The following GRM3 variants were observed in gnomAD, a reference collection of about 807,000 sequenced individuals.
The protein encoded by GRM3 is glutamate metabotropic receptor 3, also known as metabotropic glutamate receptor 3.
GRM3 carries 26 observed loss-of-function variants against 70.5 expected under a neutral mutation model. The ratio of observed to expected loss-of-function variants is 0.37; its 90% CI spans 0.27 to 0.51. The LOEUF is 0.51. GRM3 is among the 20% of genes least tolerant of loss of function. The pLI is 0.93. For synonymous variants in GRM3, 443 were observed against 434.9 expected, an observed-to-expected ratio of 1.02 and a Z score of -0.23; for missense variants, 859 against 1,123.8, an observed-to-expected ratio of 0.76 and a Z score of 3.37.
chr7:86,667,533 G>A (rs944126977), intron 1 of GRM3, among the ~76,000 whole-genome samples: 1 of 152,054 alleles, frequency 6.6e-6, no homozygotes, highest in Non-Finnish European at 1.5e-5. Flanking sequence ...CATAGTCACA[G>A]CATCATATTC....
In GRM3 at chr7:86,764,975, A is replaced by G. The variant is rs910967903; in HGVS notation, c.-140-31A>G. ...TGTAATCACTGTTGCTTTCTTTACC[A>G]TTTTTGTTCATATAATTTTTATCTC... On this transcript the variant is annotated intron_variant, in intron 1 of 5. Transcript: ENST00000361669. 2.8e-6 allele frequency: 4 copies of G among 1,415,056 alleles called. No individual in the cohort carries two copies. The African/African-American group carries it at 4.3e-5, about 15-fold the overall frequency. The allele number at this position is 1,415,056 out of a possible 1,614,324, so 87.7% of individuals were successfully genotyped here. A position where few individuals can be genotyped will look rare whatever the true frequency, so the allele number is the denominator to read the frequency against.
chr7:86,750,205 C>A (rs1287605521), intron 1 of GRM3, among the ~76,000 whole-genome samples: 2 of 151,788 alleles, frequency 1.3e-5, no homozygotes, highest in Non-Finnish European at 1.5e-5. Context: ...CATTATATAT[C>A]AAAAAGAAAG....
At chr7:86,678,722 A>G (rs802459) in intron 1 of GRM3, among the ~76,000 whole-genome samples, 106,351 of 151,928 alleles carry the variant, frequency 0.7, 37,747 homozygotes, top group East Asian at 0.87. Flanking sequence ...AGATGTGTTA[A>G]TGAAACTGTA....
rs10262456 is a variant in GRM3 at position 86,772,985 on chromosome 7, T to G, written c.468+7372T>G. Among the ~76,000 whole-genome samples, 359 of 148,926 alleles carry G rather than the reference T, an allele frequency of 2.4e-3. 2 individuals carry two copies. Among genetic ancestry groups the G allele is most frequent in the African/African-American group, 7.8e-3 (319 of 40,762 alleles). ...CTCTTTACTCATGTCTAAAACTGAG[T>G]TTTTTTTTTACGATTTCAACGTTTA... On this transcript the variant is annotated intron_variant, in intron 2 of 5. Transcript: ENST00000361669.
At chr7:86,799,149 C>A (rs1797624132) in intron 3 of GRM3, among the ~76,000 whole-genome samples, 1 of 152,294 alleles carries the variant, frequency 6.6e-6, no homozygotes, top group Non-Finnish European at 1.5e-5. Flanking sequence ...ATTTGGCTCT[C>A]TGCTCATCTA....
intron 3 of GRM3, among the ~76,000 whole-genome samples, chr7:86,812,761 C>T (rs1797937325): frequency 1.3e-5 from 2 of 151,732 alleles, no homozygotes; most frequent in South Asian, 2.1e-4. Flanking sequence ...TCTCATTTTA[C>T]CACTTTATGT....
chr7:86,757,709 A>G (rs1796381314), intron 1 of GRM3, among the ~76,000 whole-genome samples: 1 of 152,164 alleles, frequency 6.6e-6, no homozygotes, highest in African/African-American at 2.4e-5. Flanking sequence ...CCACTGCTAC[A>G]TGGCAGGAAA....
At chr7:86,825,221 T>G (rs1351400477) in intron 3 of GRM3, among the ~76,000 whole-genome samples, 1 of 152,262 alleles carries the variant, frequency 6.6e-6, no homozygotes, top group Non-Finnish European at 1.5e-5. Flanking sequence ...TTTGGTTTAT[T>G]CTAAGTGAAT....
chr7:86,745,165 G>C (rs1796073885), intron 1 of GRM3, among the ~76,000 whole-genome samples: 1 of 152,082 alleles, frequency 6.6e-6, no homozygotes, highest in South Asian at 2.1e-4. Flanking sequence ...CAAAATGTCT[G>C]GGCGTTTGGC....
intron 1 of GRM3, among the ~76,000 whole-genome samples, chr7:86,725,614 T>C (rs1317361726): frequency 1.3e-5 from 2 of 152,130 alleles, no homozygotes; most frequent in African/African-American, 4.8e-5. Context: ...TAGAAGAGCA[T>C]GTAGGACAGC....
intron 1 of GRM3, among the ~76,000 whole-genome samples, chr7:86,758,043 C>T (rs2116386583): frequency 6.6e-6 from 1 of 152,296 alleles, no homozygotes; most frequent in East Asian, 1.9e-4. Context: ...GTATTTATTA[C>T]TGCTGACTAC....
chr7:86,659,676 G>A (rs1469228488), intron 1 of GRM3, among the ~76,000 whole-genome samples: 1 of 152,036 alleles, frequency 6.6e-6, no homozygotes, highest in Non-Finnish European at 1.5e-5. Context: ...TAGTAGTATA[G>A]TCAAATATTG....
chr7:86,666,950 C>T (rs369487639), intron 1 of GRM3, among the ~76,000 whole-genome samples: 4 of 151,972 alleles, frequency 2.6e-5, no homozygotes, highest in African/African-American at 4.8e-5. Flanking sequence ...AAATCTTTGA[C>T]GCTAAGGTTG....
intron 4 of GRM3, among the ~76,000 whole-genome samples, chr7:86,848,490 G>T (rs2116764730): frequency 6.6e-6 from 1 of 152,240 alleles, no homozygotes; most frequent in South Asian, 2.1e-4. Context: ...CATCTTTCAT[G>T]TGATCTTTAG....
At chr7:86,769,917 T>C (rs1450832368) in intron 2 of GRM3, among the ~76,000 whole-genome samples, 1 of 152,160 alleles carries the variant, frequency 6.6e-6, no homozygotes, top group Non-Finnish European at 1.5e-5. Flanking sequence ...CAAAGCATTT[T>C]TAAGACTGTA....
intron 1 of GRM3, among the ~76,000 whole-genome samples, chr7:86,746,341 TTATATATA>T (rs59930404): frequency 3.1e-4 from 27 of 87,444 alleles, no homozygotes; most frequent in South Asian, 8.6e-4. Context: ...CAGTCATGTA[TTATATATA>T]TATATATATA....
intron 1 of GRM3, among the ~76,000 whole-genome samples, chr7:86,729,264 G>T (rs1162202102): frequency 6.6e-6 from 1 of 152,130 alleles, no homozygotes; most frequent in African/African-American, 2.4e-5. Flanking sequence ...TTTGTCATCT[G>T]TAAAGTGATG....
intron 1 of GRM3, among the ~76,000 whole-genome samples, chr7:86,755,469 G>A (rs1473499152): frequency 6.6e-6 from 1 of 152,092 alleles, no homozygotes; most frequent in Non-Finnish European, 1.5e-5. Context: ...GAAATATGGG[G>A]GTTAAGGATG....
At chr7:86,791,078 G>A (rs1226292336) in intron 3 of GRM3, among the ~76,000 whole-genome samples, 1 of 152,176 alleles carries the variant, frequency 6.6e-6, no homozygotes, top group Non-Finnish European at 1.5e-5. Flanking sequence ...CATAAAAGGT[G>A]TTCAGTAAGT....
Sources: gnomAD v4.1 joint callset for allele counts (sites outside exome capture counted in the v4.1 genomes callset) on GRCh38, gnomAD v4.1.1 for gene constraint, MANE v1.5 for transcripts, NCBI Gene and HGNC (gene_info 2026-07-23, HGNC 2026-07-21) for gene names.